MYO1A: variants seen among roughly 807,000 people sequenced by gnomAD.
MYO1A encodes the protein myosin IA, also known as unconventional myosin-Ia.
Under a neutral mutation model 138.5 loss-of-function variants are expected in MYO1A, and 127 were observed. The ratio of observed to expected loss-of-function variants is 0.92; its 90% CI spans 0.79 to 1.06. The LOEUF is 1.06. Among genes scored for constraint, MYO1A ranks in the 50% least tolerant of loss-of-function variants. MYO1A has a pLI of 0.00. For synonymous variants in MYO1A, 477 were observed against 497.5 expected (o/e 0.96, Z 0.55); for missense variants, 1,211 against 1,288.8 (o/e 0.94, Z 0.92).
rs2031210840 is a variant in MYO1A at position 57,048,325 on chromosome 12, T to C, written c.-2A>G. 1.9e-6 allele frequency: 3 copies of C among 1,608,068 alleles called. No individual in the cohort carries two copies. Among genetic ancestry groups the C allele is most frequent in the Non-Finnish European group, 2.6e-6 (3 of 1,174,678 alleles). ...CACAGAACCTTCCAGGAGAGGCATG[T>C]CCAGAGGGGCCACTGATCCTGGGAA... On this transcript the variant is annotated 5_prime_UTR_variant, in exon 2 of 28. Transcript: ENST00000300119.
Position 57,047,726 on chromosome 12 carries a change from T to G in MYO1A, c.231-5A>C. 6.2e-7 allele frequency: 1 copy of G among 1,614,048 alleles called. No individual in the cohort carries two copies. The highest frequency in any genetic ancestry group is 8.5e-7 in the Non-Finnish European group (1 of 1,180,002). On this transcript the variant is annotated splice_polypyrimidine_tract_variant and splice_region_variant and intron_variant, in intron 3 of 27. Transcript: ENST00000300119. ...GCCACATTTGCCAATGCGTAGCTTGTGGGGAGGAAGTGGGCAATGACTATT... is the reference window on the plus strand; with the variant it reads ...GCCACATTTGCCAATGCGTAGCTTGGGGGGAGGAAGTGGGCAATGACTATT...
Position 57,028,875 on chromosome 12 carries a change from T to G in MYO1A, c.3012A>C (p.Ser1004=). 6.2e-6 allele frequency: 10 copies of G among 1,613,980 alleles called. No homozygotes were observed. The highest frequency in any genetic ancestry group is 2.7e-5 in the African/African-American group (2 of 75,002). ...QLTVTVTEKF[S]VRFKENSVAV... ...CCACACTGTTCTCCTTGAACCTCAC[T>G]GAGAACCTGGAGAGGGAACAGAAAA... The change falls in exon 28 of 28, where the codon TCA becomes TCC. Residue 1004 remains serine (S), a synonymous_variant. Coordinates refer to ENST00000300119, the MANE Select transcript of MYO1A (RefSeq NM_005379.4).
intron 26 of MYO1A, 55 bp from the exon 27 acceptor site, chr12:57,029,314 ACC>A: frequency 6.2e-7 from 1 of 1,613,004 alleles, no homozygotes. Flanking sequence ...CTTCAGGAGC[ACC>A]TGAGGGACAT....
At chr12:57,048,127 G>C (rs770493531) in intron 2 of MYO1A, 23 bp from the exon 3 acceptor site, 2 of 1,609,400 alleles carry the variant, frequency 1.2e-6, no homozygotes, top group East Asian at 4.5e-5. Flanking sequence ...AGAAGGTGAA[G>C]GGAATGAGCT....
chr12:57,028,956 C>G (rs1053291125), intron 27 of MYO1A, 75 bp from the exon 28 acceptor site: 16 of 1,598,746 alleles, frequency 1.0e-5, no homozygotes, highest in Admixed American at 5.1e-5. Context: ...GATGGCCCCC[C>G]CATCATGCGA....
chr12:57,034,695 G>T (rs1245071604), intron 22 of MYO1A, among the ~76,000 whole-genome samples: 1 of 151,824 alleles, frequency 6.6e-6, no homozygotes, highest in African/African-American at 2.4e-5. Context: ...TAGGCTGGGC[G>T]CAGTGGCTCA....
intron 4 of MYO1A, 31 bp downstream of exon 4, chr12:57,047,596 C>T: frequency 1.2e-6 from 2 of 1,608,590 alleles, no homozygotes; most frequent in African/African-American, 2.7e-5. Flanking sequence ...CCAGAGGTGA[C>T]TCCATGTGTT....
Position 57,043,967 on chromosome 12 carries a change from TCTCCTC to T in MYO1A, c.775_780del (p.Glu259_Glu260del). ...GATGTCACCTCTAGCACTTGTCGAA[TCTCCTC>T]CTCCGAGAACCCAATCACTGCCATT... On this transcript the variant is annotated inframe_deletion, in exon 10 of 28. Transcript: ENST00000300119. 6.2e-7 allele frequency: 1 copy of T among 1,613,950 alleles called. No individual in the cohort carries two copies. The highest frequency in any genetic ancestry group is 8.5e-7 in the Non-Finnish European group (1 of 1,179,954).
At position 57,029,491 on chromosome 12, in the gene MYO1A, C is replaced by G. The variant is rs1180342174; in HGVS notation, c.2821G>C (p.Ala941Pro). 1 of 1,614,108 alleles carries G rather than the reference C, an allele frequency of 6.2e-7. No homozygotes were observed. Among genetic ancestry groups the G allele is most frequent in the Admixed American group, 1.7e-5 (1 of 60,004 alleles). ...TTGAGGCTGGTGACTGACACCCCAG[C>G]CACATTGTCTAGCCCAATGACAATT... Reference protein sequence around the residue: ...AKIVIGLDNVAGVSVTSLKDG... With the variant: ...AKIVIGLDNVPGVSVTSLKDG... Residue 941 changes from alanine to proline, a missense_variant, in exon 26 of 28, where the codon GCT (alanine) becomes CCT (proline). Coordinates refer to ENST00000300119, the MANE Select transcript of MYO1A (RefSeq NM_005379.4).
rs923217968 is a variant in MYO1A at position 57,036,747 on chromosome 12, A to C, written c.2274+25T>G. On this transcript the variant is annotated intron_variant, in intron 21 of 27. Transcript: ENST00000300119. ...ACAATCCAGGAGAAACAATGTGAGG[A>C]AACCTCTCTTCCACTCTCCATTACC... 5 of 1,606,288 alleles carry C rather than the reference A, an allele frequency of 3.1e-6. No homozygotes were observed. The African/African-American group carries it at 6.7e-5, about 22-fold the overall frequency.
intron 22 of MYO1A, among the ~76,000 whole-genome samples, chr12:57,033,195 A>G (rs2030368628): frequency 6.6e-6 from 1 of 152,150 alleles, no homozygotes; most frequent in African/African-American, 2.4e-5. Flanking sequence ...CACTAATCCA[A>G]CAGCGATCCA....
intron 14 of MYO1A, among the ~76,000 whole-genome samples, chr12:57,039,692 G>A (rs895058050): frequency 6.6e-6 from 1 of 151,972 alleles, no homozygotes; most frequent in South Asian, 2.1e-4. Context: ...CAAACAACAA[G>A]GCTAATTTGA....
intron 22 of MYO1A, 35 bp from the exon 23 acceptor site, chr12:57,031,209 A>G (rs762990910): frequency 6.2e-7 from 1 of 1,613,664 alleles, no homozygotes; most frequent in Non-Finnish European, 8.5e-7. Context: ...GAGTGGAGTG[A>G]TAAGAAACAC....
chr12:57,041,341 T>C lies in MYO1A; in HGVS notation c.1165-53A>G, dbSNP rs190177249. The C allele has an allele frequency of 3.8e-6, 6 of 1,592,404 alleles. No homozygotes were observed. In the East Asian group the frequency reaches 1.1e-4, roughly 30 times the overall value. ...CTCACTCCAAGACTGTTTCTCCGTCTCAGTCCTACCTCCCCTCCCTCACAT... is the reference window on the plus strand; with the variant it reads ...CTCACTCCAAGACTGTTTCTCCGTCCCAGTCCTACCTCCCCTCCCTCACAT... On this transcript the variant is annotated intron_variant, in intron 13 of 27. Transcript: ENST00000300119.
At position 57,030,280 on chromosome 12, in the gene MYO1A, C is replaced by A. The variant is rs1466790777; in HGVS notation, c.2521G>T (p.Val841Leu). ...CAGAGCTTTTCCCTCAGGATCTCTA[C>A]CTGCTTCGGGGACAGCTGATCCCGG... ...RFRDQLSPKQ[V>L]EILREKLCAS... Residue 841 changes from valine (V) to leucine (L), a missense_variant, in exon 24 of 28, where the codon GTA (valine) becomes TTA (leucine). Coordinates refer to ENST00000300119, the MANE Select transcript of MYO1A (RefSeq NM_005379.4). 1.2e-6 allele frequency: 2 copies of A among 1,614,064 alleles called. No individual in the cohort carries two copies. Among genetic ancestry groups the A allele is most frequent in the East Asian group, 2.2e-5 (1 of 44,902 alleles).
chr12:57,030,909 ATT>A (rs2030246710), intron 23 of MYO1A, 129 bp downstream of exon 23: 2 of 1,120,140 alleles, frequency 1.8e-6, no homozygotes, highest in South Asian at 3.1e-5. Flanking sequence ...AAAATGGTAG[ATT>A]GTATGTTATG....
Position 57,038,001 on chromosome 12 carries a change from C to T in MYO1A, c.1829G>A (p.Arg610Gln), listed in dbSNP as rs368223948. The T allele has an allele frequency of 1.4e-5, 22 of 1,614,186 alleles. 1 individual carries two copies. The highest frequency in any genetic ancestry group is 6.7e-5 in the East Asian group (3 of 44,886). Reference protein sequence around the residue: ...FSSDLVATQARYLGLLENVRV... With the variant: ...FSSDLVATQAQYLGLLENVRV... ...TACGTTCTCCAGCAGTCCCAGGTACCGAGCCTGGGTTGCCACCAGGTCTGA... is the reference window on the plus strand; with the variant it reads ...TACGTTCTCCAGCAGTCCCAGGTACTGAGCCTGGGTTGCCACCAGGTCTGA... The change falls in exon 18 of 28, where the codon CGG becomes CAG. Residue 610 changes from arginine (R) to glutamine (Q), a missense_variant. Arg to Gln is a conservative substitution (Grantham distance 43). Transcript: ENST00000300119.
chr12:57,035,182 G>A (rs369233063), intron 22 of MYO1A, among the ~76,000 whole-genome samples: 18 of 152,182 alleles, frequency 1.2e-4, no homozygotes, highest in African/African-American at 4.3e-4. Context: ...ACAATACACA[G>A]ATGAAAGAAA....
At chr12:57,029,631 G>A in intron 25 of MYO1A, 44 bp from the exon 26 acceptor site, 1 of 1,614,066 alleles carries the variant, frequency 6.2e-7, no homozygotes, top group Non-Finnish European at 8.5e-7. Flanking sequence ...AGGATTAATT[G>A]CCCCCACTCC....
Sources: allele counts gnomAD v4.1 joint callset (sites outside exome capture counted in the v4.1 genomes callset), GRCh38; gene constraint gnomAD v4.1.1; transcripts MANE v1.5; gene names NCBI Gene and HGNC (gene_info 2026-07-23, HGNC 2026-07-21).